The following FOSL2 variants were observed in gnomAD, a reference collection of about 807,000 sequenced individuals.
FOSL2 encodes the protein fos-related antigen 2.
FOSL2 carries 3 observed loss-of-function variants against 27.7 expected under a neutral mutation model. The ratio of observed to expected loss-of-function variants is 0.11; its 90% CI spans 0.05 to 0.28. FOSL2 has a LOEUF of 0.28. FOSL2 is among the 10% of genes least tolerant of loss of function. FOSL2 has a pLI of 1.00. For missense variants in FOSL2, 333 were observed against 445.1 expected (o/e 0.75, Z 2.27); for synonymous variants, 179 against 190.1 (o/e 0.94, Z 0.48).
At chr2:28,403,850 G>A (rs1355835817) in intron 1 of FOSL2, among the ~76,000 whole-genome samples, 2 of 152,200 alleles carry the variant, frequency 1.3e-5, no homozygotes, top group African/African-American at 4.8e-5. Flanking sequence ...TATCCTCACT[G>A]AGCCACCTGG....
At position 28,416,027 on chromosome 2, in the gene FOSL2, T is replaced by C. The variant is rs923666833; in HGVS notation, c.*3579T>C. ...AGAATATGTGATGTGTGAATTTTCTTTAAAAAACTTAAGGAGTCTTTGCTA... is the reference window on the plus strand; with the variant it reads ...AGAATATGTGATGTGTGAATTTTCTCTAAAAAACTTAAGGAGTCTTTGCTA... On this transcript the variant is annotated 3_prime_UTR_variant, in exon 4 of 4. Transcript: ENST00000264716. 11 of 152,150 alleles carry C rather than the reference T, an allele frequency of 7.2e-5. 1 individual carries two copies. Among genetic ancestry groups the C allele is most frequent in the Admixed American group, 2.0e-4 (3 of 15,264 alleles). 9.4% of individuals were successfully genotyped at this position (152,150 alleles called of 1,614,324 possible).
chr2:28,402,699 G>C (rs1033108727), intron 1 of FOSL2, among the ~76,000 whole-genome samples: 3 of 152,182 alleles, frequency 2.0e-5, no homozygotes, highest in Admixed American at 2.0e-4. Context: ...GAGGGCAGTG[G>C]GGGTGGATAA....
At chr2:28,406,551 C>A (rs1664087762) in intron 2 of FOSL2, among the ~76,000 whole-genome samples, 1 of 152,220 alleles carries the variant, frequency 6.6e-6, no homozygotes. Flanking sequence ...GCACTGGAAC[C>A]CACTTCTCCT....
At position 28,404,609 on chromosome 2, in the gene FOSL2, A is replaced by T. The variant is rs1664041315; in HGVS notation, c.354+251A>T. Among the ~76,000 whole-genome samples the T allele has an allele frequency of 6.6e-6, 1 of 152,160 alleles. No individual in the cohort carries two copies. The highest frequency in any genetic ancestry group is 6.5e-5 in the Admixed American group (1 of 15,278). On this transcript the variant is annotated intron_variant, in intron 2 of 3. Coordinates refer to ENST00000264716, the MANE Select transcript of FOSL2 (RefSeq NM_005253.4). This position sits in a 1 kb window ranked among gnomAD's most constrained non-coding sequence, Gnocchi z 4.7. The stretch of plus-strand genomic sequence containing the variant: ...CACTTTCCTCAGCCACAAAATGGGG[A>T]TCATGGTCCCTGCAAGCCAGGACTT...
At chr2:28,397,743 A>G (rs1415353434) in intron 1 of FOSL2, among the ~76,000 whole-genome samples, 1 of 152,074 alleles carries the variant, frequency 6.6e-6, no homozygotes, top group Admixed American at 6.5e-5. Context: ...TTCCTTGGGG[A>G]GACTAAATGC....
chr2:28,399,259 C>G (rs1663922233), intron 1 of FOSL2, among the ~76,000 whole-genome samples: 1 of 152,216 alleles, frequency 6.6e-6, no homozygotes, highest in African/African-American at 2.4e-5. Flanking sequence ...CATACCAGTT[C>G]TGCCCACTCA....
At chr2:28,394,771 C>G (rs1257101036) in intron 1 of FOSL2, 1 of 152,286 alleles carries the variant, frequency 6.6e-6, no homozygotes, top group African/African-American at 2.4e-5. Flanking sequence ...TGCAGCTCCC[C>G]CACCCGCTCT....
intron 2 of FOSL2, among the ~76,000 whole-genome samples, chr2:28,406,387 A>G (rs1250328374): frequency 1.3e-5 from 2 of 152,294 alleles, no homozygotes; most frequent in South Asian, 2.1e-4. Context: ...TTCTGGGCCT[A>G]CCTCACACCA....
In FOSL2 at chr2:28,393,105, C is replaced by A; in HGVS notation, c.-616C>A. 1 of 387,042 alleles carries A rather than the reference C, an allele frequency of 2.6e-6. No homozygotes were observed. Among genetic ancestry groups the A allele is most frequent in the Non-Finnish European group, 4.6e-6 (1 of 217,330 alleles). 24.0% of individuals were successfully genotyped at this position (387,042 alleles called of 1,614,324 possible). A position where few individuals can be genotyped will look rare whatever the true frequency, so the allele number is the denominator to read the frequency against. The stretch of plus-strand genomic sequence containing the variant: ...ACTTGAGCCCCACGAGCCGCTGTCC[C>A]CCTGGCGCGCTCGGGGCCGCGGGAC... On this transcript the variant is annotated 5_prime_UTR_variant, in exon 1 of 4. Transcript: ENST00000264716. This position sits in a 1 kb window ranked among gnomAD's most constrained non-coding sequence, Gnocchi z 4.6.
rs768877076 is a variant in FOSL2, at chr2:28,415,060, C to T, written c.*2612C>T. On this transcript the variant is annotated 3_prime_UTR_variant, in exon 4 of 4. Transcript: ENST00000264716. ...ACACCCTTGCTCCAGAATCACCAGA[C>T]ACCTCCATGGCTCCAGCTATGGGAA... The T allele has an allele frequency of 7.9e-5, 12 of 152,294 alleles. No individual in the cohort carries two copies. The highest frequency in any genetic ancestry group is 1.5e-4 in the Non-Finnish European group (10 of 68,114). The allele number at this position is 152,294 out of a possible 1,614,324, so 9.4% of individuals were successfully genotyped here.
At position 28,408,740 on chromosome 2, in the gene FOSL2, C is replaced by T. The variant is rs1664133149; in HGVS notation, c.355-19C>T. ...CCATTGTCTCTGTTCTAACCATGATCCTTGGCTTTGGCCTCTAGCTGTCTC... is the reference window on the plus strand; with the variant it reads ...CCATTGTCTCTGTTCTAACCATGATTCTTGGCTTTGGCCTCTAGCTGTCTC... On this transcript the variant is annotated intron_variant, in intron 2 of 3. Transcript: ENST00000264716. This position sits in a 1 kb window ranked among gnomAD's most constrained non-coding sequence, Gnocchi z 4.1. 3 of 1,569,186 alleles carry T rather than the reference C, an allele frequency of 1.9e-6. No homozygotes were observed. Among genetic ancestry groups the T allele is most frequent in the Non-Finnish European group, 2.6e-6 (3 of 1,146,806 alleles).
chr2:28,393,886 T>A lies in FOSL2; in HGVS notation c.102+64T>A. On this transcript the variant is annotated intron_variant, in intron 1 of 3. Coordinates refer to ENST00000264716, the MANE Select transcript of FOSL2 (RefSeq NM_005253.4). The surrounding 1 kb of genome is among the most constrained non-coding windows in gnomAD (Gnocchi z 4.6). ...ACCCCTGCCCTCTTCTCGCCGCCAC[T>A]GCCTCTTTTGCTTTCTTTTCTTTTT... The A allele has an allele frequency of 9.5e-7, 1 of 1,052,590 alleles. No individual in the cohort carries two copies. Among genetic ancestry groups the A allele is most frequent in the Non-Finnish European group, 1.4e-6 (1 of 720,884 alleles). The allele number at this position is 1,052,590 out of a possible 1,614,324, so 65.2% of individuals were successfully genotyped here.
Position 28,392,961 on chromosome 2 carries a change from AGAGAGG to A in FOSL2, c.-753_-748del, listed in dbSNP as rs1663705543. On this transcript the variant is annotated 5_prime_UTR_variant, in exon 1 of 4. Coordinates refer to ENST00000264716, the MANE Select transcript of FOSL2 (RefSeq NM_005253.4). ...CAGAAAGAGGGAGAGAGAGAGAGAGAGAGAGGGAGAGGCGCGGCCGGGCGAGGCGGG... is the reference window on the plus strand; with the variant it reads ...CAGAAAGAGGGAGAGAGAGAGAGAGAGAGAGGCGCGGCCGGGCGAGGCGGG... The A allele has an allele frequency of 1.5e-6, 1 of 656,426 alleles. No homozygotes were observed. The highest frequency in any genetic ancestry group is 2.8e-6 in the Non-Finnish European group (1 of 353,886). 40.7% of individuals were successfully genotyped at this position (656,426 alleles called of 1,614,324 possible). A position where few individuals can be genotyped will look rare whatever the true frequency, so the allele number is the denominator to read the frequency against.
intron 3 of FOSL2, among the ~76,000 whole-genome samples, chr2:28,411,243 C>T (rs1009157373): frequency 1.3e-5 from 2 of 152,038 alleles, no homozygotes; most frequent in Non-Finnish European, 2.9e-5. Flanking sequence ...TCTGAGAAGC[C>T]AGGCACTGTT....
chr2:28,409,980 A>G (rs1664159053), intron 3 of FOSL2, among the ~76,000 whole-genome samples: 1 of 152,166 alleles, frequency 6.6e-6, no homozygotes, highest in South Asian at 2.1e-4. Flanking sequence ...ACCTCGGGTG[A>G]TCTGCCTGCC....
intron 1 of FOSL2, chr2:28,394,729 G>C (rs1663773318): frequency 6.6e-6 from 1 of 151,254 alleles, no homozygotes; most frequent in Non-Finnish European, 1.5e-5. Context: ...TGCTGTTGGC[G>C]GGGGGGTGCT....
rs777923924 is a variant in FOSL2 at position 28,393,504 on chromosome 2, G to T, written c.-217G>T. The T allele has an allele frequency of 3.8e-6, 2 of 519,808 alleles. No individual in the cohort carries two copies. Among genetic ancestry groups the T allele is most frequent in the Non-Finnish European group, 6.8e-6 (2 of 292,048 alleles). The allele number at this position is 519,808 out of a possible 1,614,324, so 32.2% of individuals were successfully genotyped here. On this transcript the variant is annotated 5_prime_UTR_variant, in exon 1 of 4. Transcript: ENST00000264716. This position sits in a 1 kb window ranked among gnomAD's most constrained non-coding sequence, Gnocchi z 4.6. ...TGGTCCCGCGGCGCTCGCAGAGCCG[G>T]AAAGAAGTGCTGTAAGGGACGCTCG...
In FOSL2 at chr2:28,416,949, CTTTTTTTTTTTTT is replaced by C. The variant is rs541655519; in HGVS notation, c.*4510_*4522del. On this transcript the variant is annotated 3_prime_UTR_variant, in exon 4 of 4. Coordinates refer to ENST00000264716, the MANE Select transcript of FOSL2 (RefSeq NM_005253.4). Reference sequence around the variant, plus strand: ...GGGAATTTAATTACCTTTCTGGGCACTTTTTTTTTTTTTTTTTTTTTAAGTAATGGTGAAATGG... The same window carrying C: ...GGGAATTTAATTACCTTTCTGGGCACTTTTTTTTAAGTAATGGTGAAATGG... 1.1e-5 allele frequency: 1 copy of C among 89,774 alleles called. No homozygotes were observed. The highest frequency in any genetic ancestry group is 2.5e-5 in the Non-Finnish European group (1 of 40,762). 5.6% of individuals were successfully genotyped at this position (89,774 alleles called of 1,614,324 possible).
At chr2:28,405,968 G>C (rs751875252) in intron 2 of FOSL2, among the ~76,000 whole-genome samples, 22 of 152,044 alleles carry the variant, frequency 1.4e-4, no homozygotes, top group Non-Finnish European at 2.5e-4. Flanking sequence ...TCCTGAGTGA[G>C]AGCCAGGCTT....
Sources: allele counts gnomAD v4.1 joint callset (sites outside exome capture counted in the v4.1 genomes callset), GRCh38; gene constraint gnomAD v4.1.1; non-coding constraint Gnocchi (gnomAD v3.1); transcripts MANE v1.5; gene names NCBI Gene and HGNC (gene_info 2026-07-23, HGNC 2026-07-21).